PCDH15: variants seen among roughly 807,000 people sequenced by gnomAD.
The protein encoded by PCDH15 is protocadherin-15.
PCDH15 carries 129 observed loss-of-function variants against 178.5 expected under a neutral mutation model. That is an observed-to-expected ratio of 0.72 (90% CI 0.63 to 0.84). The LOEUF (loss-of-function observed/expected upper bound fraction) is 0.84, where lower values mean the gene tolerates loss of function less well. PCDH15 is among the 40% of genes least tolerant of loss of function. The probability of loss-of-function intolerance (pLI) is 0.00; values close to 1 mark genes in which losing one functional copy is unlikely to be tolerated. For missense variants in PCDH15, 2,230 were observed against 2,099.9 expected (o/e 1.06, Z -1.21); for synonymous variants, 800 against 732.0 (o/e 1.09, Z -1.50).
chr10:54,221,695 T>C (rs1457905078), intron 9 of PCDH15, among the ~76,000 whole-genome samples: 1 of 152,044 alleles, frequency 6.6e-6, no homozygotes, highest in Non-Finnish European at 1.5e-5. Flanking sequence ...TTCTGCCTCC[T>C]GAGTTGAAGC....
At position 54,037,635 on chromosome 10, in the gene PCDH15, T is replaced by C. The variant is rs2093446737; in HGVS notation, c.2221-14438A>G. On this transcript the variant is annotated intron_variant, in intron 18 of 37. Transcript: ENST00000644397. ...TATATGCACTGGGAAACCTAAAACC[T>C]TATGTGACTCGCTTTGTTGCAACAT... 2.6e-5 allele frequency among the ~76,000 whole-genome samples: 4 copies of C among 152,064 alleles called. No individual in the cohort carries two copies. In the South Asian group the frequency reaches 8.3e-4, roughly 32 times the overall value.
At chr10:55,276,252 TAGA>T (rs1592042503) in intron 1 of PCDH15, among the ~76,000 whole-genome samples, 1 of 150,948 alleles carries the variant, frequency 6.6e-6, no homozygotes. Flanking sequence ...TAATACGAAA[TAGA>T]AGTAGTGACT....
chr10:54,765,157 A>G (rs1383171472), intron 1 of PCDH15, among the ~76,000 whole-genome samples: 1 of 152,164 alleles, frequency 6.6e-6, no homozygotes, highest in African/African-American at 2.4e-5. Flanking sequence ...ACTCTCTTAG[A>G]CAAAATTTCA....
chr10:55,115,935 T>A (rs1461747235), intron 2 of PCDH15, among the ~76,000 whole-genome samples: 1 of 152,140 alleles, frequency 6.6e-6, no homozygotes, highest in Non-Finnish European at 1.5e-5. Flanking sequence ...AAATATCCAA[T>A]TTACATTCCC....
chr10:54,733,465 G>A (rs1943674235), intron 1 of PCDH15, among the ~76,000 whole-genome samples: 1 of 151,262 alleles, frequency 6.6e-6, no homozygotes, highest in Non-Finnish European at 1.5e-5. Flanking sequence ...AGAAATGAAA[G>A]AAGGCCTAAG....
At chr10:54,570,691 T>C (rs1340739387) in intron 2 of PCDH15, among the ~76,000 whole-genome samples, 1 of 152,156 alleles carries the variant, frequency 6.6e-6, no homozygotes, top group Non-Finnish European at 1.5e-5. Context: ...TCTCTCTCTG[T>C]TGCCAGGCTG....
chr10:54,521,906 G>A (rs1259236087), intron 3 of PCDH15, among the ~76,000 whole-genome samples: 6 of 151,834 alleles, frequency 4.0e-5, no homozygotes, highest in Non-Finnish European at 8.8e-5. Context: ...TGGCTAACAC[G>A]GTGGAACCCC....
intron 3 of PCDH15, among the ~76,000 whole-genome samples, chr10:54,497,628 T>C (rs2080253762): frequency 1.3e-5 from 2 of 152,136 alleles, no homozygotes; most frequent in South Asian, 4.1e-4. Flanking sequence ...AAAAGTTCAC[T>C]ACAGCAATTT....
chr10:54,145,816 C>G (rs1173347652), intron 14 of PCDH15, among the ~76,000 whole-genome samples: 1 of 152,014 alleles, frequency 6.6e-6, no homozygotes, highest in Non-Finnish European at 1.5e-5. Context: ...CAATGAGGCT[C>G]AGCTGGTAAA....
At chr10:54,826,268 T>C (rs193257177) in intron 3 of PCDH15, among the ~76,000 whole-genome samples, 4 of 152,178 alleles carry the variant, frequency 2.6e-5, no homozygotes, top group Non-Finnish European at 4.4e-5. Flanking sequence ...AGGTCTGATA[T>C]CTGGAAATTT....
At chr10:54,761,204 G>T (rs542402821) in intron 1 of PCDH15, among the ~76,000 whole-genome samples, 3 of 151,714 alleles carry the variant, frequency 2.0e-5, no homozygotes, top group Non-Finnish European at 4.4e-5. Context: ...CCTGAATCTT[G>T]CCCCCCCAAA....
At chr10:54,375,897 A>T (rs1010525883) in intron 4 of PCDH15, among the ~76,000 whole-genome samples, 7 of 139,356 alleles carry the variant, frequency 5.0e-5, no homozygotes, top group African/African-American at 1.6e-4. Flanking sequence ...ATATATATAT[A>T]ATTTTTTTTC....
chr10:54,155,077 A>G (rs2133360462), intron 13 of PCDH15, among the ~76,000 whole-genome samples: 1 of 152,282 alleles, frequency 6.6e-6, no homozygotes, highest in South Asian at 2.1e-4. Flanking sequence ...ATTTAGCACA[A>G]ATTGGATTCA....
intron 2 of PCDH15, among the ~76,000 whole-genome samples, chr10:55,400,871 C>A (rs1472950968): frequency 3.9e-5 from 6 of 152,026 alleles, no homozygotes; most frequent in Admixed American, 3.9e-4. Flanking sequence ...ACTATGATTT[C>A]TTCACTCTAA....
At chr10:54,050,325 T>G (rs1364269008) in intron 18 of PCDH15, among the ~76,000 whole-genome samples, 1 of 152,220 alleles carries the variant, frequency 6.6e-6, no homozygotes, top group East Asian at 1.9e-4. Flanking sequence ...CCATTTCATC[T>G]ACATTTTCTA....
intron 8 of PCDH15, among the ~76,000 whole-genome samples, chr10:54,242,893 C>T (rs2055556502): frequency 6.6e-6 from 1 of 152,052 alleles, no homozygotes; most frequent in South Asian, 2.1e-4. Flanking sequence ...TTATAAAAGC[C>T]AAACTTTGAT....
At chr10:54,051,685 A>G (rs2093777851) in intron 18 of PCDH15, among the ~76,000 whole-genome samples, 1 of 152,156 alleles carries the variant, frequency 6.6e-6, no homozygotes, top group South Asian at 2.1e-4. Flanking sequence ...CTGGGGAGAA[A>G]TTCAAGCCTG....
In PCDH15 at chr10:53,866,680, C is replaced by T. The variant is rs368127988; in HGVS notation, c.3679G>A (p.Asp1227Asn). Residue 1227 changes from aspartate (D) to asparagine (N), a missense_variant, in exon 27 of 38, where the codon GAC (aspartate) becomes AAC (asparagine). Coordinates refer to ENST00000644397, the MANE Select transcript of PCDH15 (RefSeq NM_001384140.1). Reference protein sequence around the residue: ...YFKFQVIATDDYGKGLSGKAD... With the variant: ...YFKFQVIATDNYGKGLSGKAD... Reference sequence around the variant, plus strand: ...TTGCCGCTCAGTCCCTTCCCATAGTCGTCAGTTGCAATAACTTGAAACTTG... The same window carrying T: ...TTGCCGCTCAGTCCCTTCCCATAGTTGTCAGTTGCAATAACTTGAAACTTG... 8.1e-6 allele frequency: 13 copies of T among 1,613,406 alleles called. No homozygotes were observed. The highest frequency in any genetic ancestry group is 1.0e-5 in the Non-Finnish European group (12 of 1,179,682).
At chr10:54,062,086 A>G (rs1225220882) in intron 18 of PCDH15, among the ~76,000 whole-genome samples, 3 of 151,710 alleles carry the variant, frequency 2.0e-5, no homozygotes, top group Non-Finnish European at 4.4e-5. Context: ...TTTGCTGGGC[A>G]TGGTGGAGGT....
Sources: gnomAD v4.1 joint callset for allele counts (sites outside exome capture counted in the v4.1 genomes callset) on GRCh38, gnomAD v4.1.1 for gene constraint, MANE v1.5 for transcripts, NCBI Gene and HGNC (gene_info 2026-07-23, HGNC 2026-07-21) for gene names.